ABCC6: variants seen among roughly 807,000 people sequenced by gnomAD.
ABCC6 encodes ATP-binding cassette sub-family C member 6.
A neutral mutation model predicts 169.5 loss-of-function variants in ABCC6; 126 were observed. That is an observed-to-expected ratio of 0.74 (90% CI 0.64 to 0.86). The LOEUF is 0.86. Ranked by LOEUF, ABCC6 falls within the 40% of genes least tolerant of loss-of-function variation. The pLI is 0.00. For synonymous variants in ABCC6, 752 were observed against 814.7 expected, an observed-to-expected ratio of 0.92 and a Z score of 1.31; for missense variants, 1,733 against 1,927.2, an observed-to-expected ratio of 0.90 and a Z score of 1.89.
intron 4 of ABCC6, among the ~76,000 whole-genome samples, chr16:16,215,100 A>G (rs571132271): frequency 1.3e-5 from 2 of 152,220 alleles, no homozygotes; most frequent in South Asian, 2.1e-4. Flanking sequence ...CTCTACCCCA[A>G]TCTTCAACCC....
In ABCC6 at chr16:16,165,616, T is replaced by C; in HGVS notation, c.3306+7A>G. The C allele has an allele frequency of 2.5e-6, 4 of 1,612,864 alleles. No homozygotes were observed. The highest frequency in any genetic ancestry group is 3.4e-6 in the Non-Finnish European group (4 of 1,179,988). On this transcript the variant is annotated splice_region_variant and intron_variant, in intron 23 of 30. Coordinates refer to ENST00000205557, the MANE Select transcript of ABCC6 (RefSeq NM_001171.6). Reference sequence around the variant, plus strand: ...CGGTCCCGGAAGCCTCCCTGACCTCTCCGTACCTGAAACCCAGCGTAGAGG... The same window carrying C: ...CGGTCCCGGAAGCCTCCCTGACCTCCCCGTACCTGAAACCCAGCGTAGAGG...
At chr16:16,210,428 C>T (rs1174018819) in intron 6 of ABCC6, among the ~76,000 whole-genome samples, 15 of 152,182 alleles carry the variant, frequency 9.9e-5, no homozygotes, top group East Asian at 3.9e-4. Context: ...TGAGCCACTG[C>T]GCCAGGCCAC....
intron 5 of ABCC6, among the ~76,000 whole-genome samples, chr16:16,213,555 CTTCT>C (rs1567542357): frequency 7.5e-6 from 1 of 132,630 alleles, no homozygotes; most frequent in Non-Finnish European, 1.5e-5. Flanking sequence ...TTTCTTTTTC[CTTCT>C]TTTTTTTTTT....
intron 17 of ABCC6, 102 bp downstream of exon 17, chr16:16,182,310 A>G: frequency 6.8e-7 from 1 of 1,460,230 alleles, no homozygotes; most frequent in South Asian, 1.1e-5. Flanking sequence ...TTCCCTAACC[A>G]TTCCTCTCAT....
intron 7 of ABCC6, among the ~76,000 whole-genome samples, chr16:16,208,000 G>A (rs2152288177): frequency 6.6e-6 from 1 of 151,742 alleles, no homozygotes; most frequent in African/African-American, 2.4e-5. Flanking sequence ...GCTATGAGCT[G>A]GGGCTAATGA....
Position 16,192,854 on chromosome 16 carries a change from G to C in ABCC6, c.1407C>G (p.Ile469Met). 1.2e-6 allele frequency: 2 copies of C among 1,614,086 alleles called. No homozygotes were observed. The highest frequency in any genetic ancestry group is 1.7e-6 in the Non-Finnish European group (2 of 1,180,010). Residue 469 changes from isoleucine to methionine, a missense_variant, in exon 11 of 31, where the codon ATC becomes ATG. Around this residue, in one of 5 missense-constraint regions of ABCC6, gnomAD observed 1,601 missense variants for 1,635.5 expected, o/e 0.98. Coordinates refer to ENST00000205557, the MANE Select transcript of ABCC6 (RefSeq NM_001171.6). ...CCTGATGGTGGTTCCTTTTCTTGGA[G>C]ATGAAGAAATTCAGAGGGAGGAGGC... is the stretch of plus-strand genomic sequence containing the variant. ...FLSLLPLNFFISKKRNHHQEE... is the reference protein window; with the variant it reads ...FLSLLPLNFFMSKKRNHHQEE...
chr16:16,156,876 G>A (rs1056442854), intron 27 of ABCC6, among the ~76,000 whole-genome samples: 2 of 149,402 alleles, frequency 1.3e-5, no homozygotes, highest in Non-Finnish European at 3.0e-5. Context: ...CTGGGAGGCG[G>A]AGGTTGCAGT....
intron 22 of ABCC6, among the ~76,000 whole-genome samples, chr16:16,168,104 G>A (rs2046932925): frequency 6.6e-6 from 1 of 152,224 alleles, no homozygotes; most frequent in South Asian, 2.1e-4. Flanking sequence ...TATTTTACAG[G>A]GGAGGTCACA....
intron 30 of ABCC6, among the ~76,000 whole-genome samples, 154 bp downstream of exon 30, chr16:16,150,424 C>T (rs923759145): frequency 1.3e-5 from 2 of 152,246 alleles, no homozygotes; most frequent in African/African-American, 4.8e-5. Flanking sequence ...GCAGCTTTCC[C>T]ACTTGGCATG....
intron 2 of ABCC6, 37 bp downstream of exon 2, chr16:16,221,612 C>A: frequency 6.2e-7 from 1 of 1,611,412 alleles, no homozygotes; most frequent in African/African-American, 1.3e-5. Flanking sequence ...CTCCCCCGAA[C>A]ATTGCCTGGT....
intron 6 of ABCC6, among the ~76,000 whole-genome samples, chr16:16,210,813 G>T (rs1016788761): frequency 6.6e-6 from 1 of 152,182 alleles, no homozygotes; most frequent in Non-Finnish European, 1.5e-5. Context: ...AGCCATTTAG[G>T]CCGGGTGCGG....
chr16:16,158,124 C>T (rs1307977523), intron 26 of ABCC6, among the ~76,000 whole-genome samples: 2 of 152,134 alleles, frequency 1.3e-5, no homozygotes, highest in Non-Finnish European at 2.9e-5. Flanking sequence ...AGTGGGAAGA[C>T]CAATACTGCC....
Position 16,182,398 on chromosome 16 carries a change from C to G in ABCC6, c.2247+14G>C. Reference sequence around the variant, plus strand: ...CAATGTCTCCCTGTCCCAAAAAGACCCCCAAACTCTCACCTGCTCCCCAAT... The same window carrying G: ...CAATGTCTCCCTGTCCCAAAAAGACGCCCAAACTCTCACCTGCTCCCCAAT... On this transcript the variant is annotated intron_variant, in intron 17 of 30. Transcript: ENST00000205557. 2 of 1,613,350 alleles carry G rather than the reference C, an allele frequency of 1.2e-6. No individual in the cohort carries two copies. Among genetic ancestry groups the G allele is most frequent in the South Asian group, 2.2e-5 (2 of 91,046 alleles).
Position 16,194,015 on chromosome 16 carries a change from G to A in ABCC6, c.1339-1093C>T, listed in dbSNP as rs187169032. 2.8e-3 allele frequency among the ~76,000 whole-genome samples: 429 copies of A among 152,318 alleles called. 4 individuals carry two copies. Among genetic ancestry groups the A allele is most frequent in the African/African-American group, 8.3e-3 (346 of 41,574 alleles). On this transcript the variant is annotated intron_variant, in intron 10 of 30. Coordinates refer to ENST00000205557, the MANE Select transcript of ABCC6 (RefSeq NM_001171.6). ...ACAGCCCTCTTACACGATAGGGAGAGAGTTATATTCAAGACAGATTGTGCA... is the reference window on the plus strand; with the variant it reads ...ACAGCCCTCTTACACGATAGGGAGAAAGTTATATTCAAGACAGATTGTGCA...
chr16:16,158,874 T>G (rs868311585), intron 26 of ABCC6, among the ~76,000 whole-genome samples: 3 of 152,184 alleles, frequency 2.0e-5, no homozygotes, highest in African/African-American at 7.2e-5. Context: ...GTTGCTGGGA[T>G]GTTGCTGTCA....
At chr16:16,171,130 T>C (rs1034956843) in intron 21 of ABCC6, among the ~76,000 whole-genome samples, 1 of 151,782 alleles carries the variant, frequency 6.6e-6, no homozygotes, top group African/African-American at 2.4e-5. Context: ...ACTGGTTCCT[T>C]CACACATTCT....
chr16:16,190,603 G>A (rs373644246), intron 11 of ABCC6, among the ~76,000 whole-genome samples: 12 of 151,922 alleles, frequency 7.9e-5, no homozygotes, highest in Non-Finnish European at 1.3e-4. Flanking sequence ...TCTGATGCCC[G>A]GAGAACAGAG....
chr16:16,155,377 CATCCATCCCTT>C (rs2046519470), intron 27 of ABCC6: 1 of 380,224 alleles, frequency 2.6e-6, no homozygotes, highest in Admixed American at 4.2e-5. Context: ...TCTGTCCGTC[CATCCATCCCTT>C]ATCCTTTTTT....
chr16:16,189,194 G>T (rs1482815979), intron 12 of ABCC6, among the ~76,000 whole-genome samples: 2 of 152,218 alleles, frequency 1.3e-5, no homozygotes, highest in Non-Finnish European at 2.9e-5. Flanking sequence ...ATTGCTAATG[G>T]TGATGAGTGC....
Sources: gnomAD v4.1 joint callset for allele counts (sites outside exome capture counted in the v4.1 genomes callset) on GRCh38, gnomAD v4.1.1 for gene constraint, gnomAD v4.1.1 regional missense constraint, MANE v1.5 for transcripts, NCBI Gene and HGNC (gene_info 2026-07-23, HGNC 2026-07-21) for gene names.